The following PGM1 variants were observed in gnomAD, a reference collection of about 807,000 sequenced individuals.
PGM1 encodes phosphoglucomutase-1.
A neutral mutation model predicts 55.6 loss-of-function variants in PGM1; 52 were observed. The observed-to-expected ratio is 0.94, with a 90% confidence interval of 0.75 to 1.18. The LOEUF (loss-of-function observed/expected upper bound fraction) is 1.18. Ranked by LOEUF, PGM1 falls within the 50% of genes most tolerant of loss-of-function variation. The pLI, the probability that PGM1 is intolerant of heterozygous loss-of-function variation, is 0.00. For synonymous variants in PGM1, 287 were observed against 271.7 expected (o/e 1.06, Z -0.55); for missense variants, 724 against 729.3 (o/e 0.99, Z 0.08).
intron 7 of PGM1, among the ~76,000 whole-genome samples, chr1:63,646,980 C>T (rs946433684): frequency 1.3e-5 from 2 of 151,900 alleles, no homozygotes; most frequent in Non-Finnish European, 2.9e-5. Context: ...TGGTGGCTCA[C>T]GCCTGTAATC....
intron 6 of PGM1, among the ~76,000 whole-genome samples, chr1:63,637,533 C>G (rs1437894748): frequency 6.6e-6 from 1 of 152,208 alleles, no homozygotes; most frequent in African/African-American, 2.4e-5. Context: ...CATTCACCAT[C>G]TCAATTGATC....
chr1:63,604,149 T>C (rs1648344014), intron 1 of PGM1, among the ~76,000 whole-genome samples: 1 of 152,324 alleles, frequency 6.6e-6, no homozygotes. Flanking sequence ...TGAAAGAGTA[T>C]ACTTTGAGGT....
chr1:63,646,676 T>C (rs1649653145), intron 7 of PGM1, among the ~76,000 whole-genome samples: 1 of 152,194 alleles, frequency 6.6e-6, no homozygotes, highest in Admixed American at 6.5e-5. Context: ...TTTATTCTCC[T>C]GGCACTGGCT....
At chr1:63,631,874 C>A in intron 4 of PGM1, 92 bp downstream of exon 4, 2 of 1,217,786 alleles carry the variant, frequency 1.6e-6, no homozygotes, top group South Asian at 1.2e-5. Flanking sequence ...AGCCTTTTCT[C>A]AAGTCTCTCT....
At position 63,593,632 on chromosome 1, in the gene PGM1, G is replaced by A; in HGVS notation, c.144G>A (p.Glu48=). The A allele has an allele frequency of 6.2e-7, 1 of 1,612,196 alleles. No homozygotes were observed. The change falls in exon 1 of 11, where the codon GAG becomes GAA. Residue 48 remains glutamate (E), a synonymous_variant. Transcript: ENST00000371084. The part of the protein sequence containing the change: ...NFIQSIISTV[E]PAQRQEATLV... ...TCCAGAGTATCATCTCCACCGTGGA[G>A]CCGGCGCAGCGGCAGGAGGCCACGC... is the stretch of plus-strand genomic sequence containing the variant.
At chr1:63,641,795 T>C (rs1649525280) in intron 7 of PGM1, among the ~76,000 whole-genome samples, 1 of 152,230 alleles carries the variant, frequency 6.6e-6, no homozygotes, top group Non-Finnish European at 1.5e-5. Flanking sequence ...TGTCTTATCC[T>C]GCATTGTGTC....
intron 1 of PGM1, among the ~76,000 whole-genome samples, chr1:63,621,540 G>A (rs2100975184): frequency 6.6e-6 from 1 of 152,218 alleles, no homozygotes; most frequent in East Asian, 1.9e-4. Flanking sequence ...TAAAACCAGG[G>A]AAAACTTGGC....
At position 63,651,743 on chromosome 1, in the gene PGM1, G is replaced by C; in HGVS notation, c.1355G>C (p.Arg452Pro). 1 of 1,613,780 alleles carries C rather than the reference G, an allele frequency of 6.2e-7. No individual in the cohort carries two copies. The stretch of plus-strand genomic sequence containing the variant: ...GACTTGGAGGCCCTGATGTTTGATC[G>C]CTCCTTTGTGGGGAAGCAGTTCTCA... The part of the protein sequence containing the change: ...MKDLEALMFD[R>P]SFVGKQFSAN... The change falls in exon 9 of 11, where the codon CGC (arginine) becomes CCC (proline). Residue 452 changes from arginine to proline, a missense_variant. Arg to Pro is a moderately radical substitution (Grantham distance 103). Coordinates refer to ENST00000371084, the MANE Select transcript of PGM1 (RefSeq NM_002633.3).
At chr1:63,649,125 G>C (rs74079708) in intron 8 of PGM1, among the ~76,000 whole-genome samples, 3,288 of 152,248 alleles carry the variant, frequency 0.022, 129 homozygotes, top group African/African-American at 0.075. Context: ...TGAAAGCCTA[G>C]AAACTTTTTT....
At chr1:63,631,550 C>A in intron 3 of PGM1, 107 bp from the exon 4 acceptor site, 1 of 1,013,224 alleles carries the variant, frequency 9.9e-7, no homozygotes, top group Non-Finnish European at 1.6e-6. Context: ...CAATAATTGT[C>A]CTTTTAAAAT....
intron 1 of PGM1, among the ~76,000 whole-genome samples, chr1:63,622,413 A>G (rs577098362): frequency 2.0e-5 from 3 of 152,326 alleles, no homozygotes; most frequent in Admixed American, 6.5e-5. Context: ...TAGGTAAAAT[A>G]TTTTTAAACA....
chr1:63,612,953 G>A lies in PGM1; in HGVS notation c.247-16472G>A, dbSNP rs186020593. Among the ~76,000 whole-genome samples the A allele has an allele frequency of 3.9e-5, 6 of 152,222 alleles. No individual in the cohort carries two copies. In the East Asian group the frequency reaches 7.7e-4, roughly 20 times the overall value. ...CTCAGAAACACTAATTACAGGGGTC[G>A]TTTGATGCTCTCACTTAAATATTTT... On this transcript the variant is annotated intron_variant, in intron 1 of 10. Coordinates refer to ENST00000371084, the MANE Select transcript of PGM1 (RefSeq NM_002633.3).
intron 10 of PGM1, 21 bp from the exon 11 acceptor site, chr1:63,659,565 T>A (rs780658487): frequency 1.9e-6 from 3 of 1,595,402 alleles, no homozygotes; most frequent in Non-Finnish European, 2.6e-6. Flanking sequence ...ATGGAAAAGC[T>A]TCTCTCTATG....
chr1:63,597,776 G>A (rs1269307359), intron 1 of PGM1, among the ~76,000 whole-genome samples: 2 of 152,190 alleles, frequency 1.3e-5, no homozygotes, highest in Non-Finnish European at 2.9e-5. Context: ...GAGAGTTTAA[G>A]CTCACAAATG....
chr1:63,648,716 C>T (rs1234114647), intron 8 of PGM1, 64 bp downstream of exon 8: 1 of 1,535,694 alleles, frequency 6.5e-7, no homozygotes, highest in East Asian at 2.2e-5. Flanking sequence ...AATTCTTGCG[C>T]ATCCACAGCC....
At position 63,593,731 on chromosome 1, in the gene PGM1, C is replaced by A; in HGVS notation, c.243C>A (p.Asn81Lys). Residue 81 changes from asparagine (N) to lysine (K), a missense_variant, in exon 1 of 11, where the codon AAC (asparagine) becomes AAA (lysine). By Grantham distance (94) the Asn-to-Lys change is moderately conservative. Transcript: ENST00000371084. ...IQLIARIAAA[N>K]GIGRLVIGQN... ...TCATCGCTCGCATCGCTGCCGCCAA[C>A]GGGGTAAGGGATGCGCGGCCCCGCG... 1 of 1,594,490 alleles carries A rather than the reference C, an allele frequency of 6.3e-7. No individual in the cohort carries two copies. The highest frequency in any genetic ancestry group is 8.5e-7 in the Non-Finnish European group (1 of 1,174,472).
chr1:63,653,409 T>C (rs527384708), intron 9 of PGM1, among the ~76,000 whole-genome samples: 24 of 152,330 alleles, frequency 1.6e-4, no homozygotes, highest in African/African-American at 5.1e-4. Flanking sequence ...CCTCTGTGTA[T>C]TTCATCTACT....
At chr1:63,603,099 G>A (rs1161702094) in intron 1 of PGM1, among the ~76,000 whole-genome samples, 4 of 152,158 alleles carry the variant, frequency 2.6e-5, no homozygotes, top group Non-Finnish European at 5.9e-5. Flanking sequence ...CCCCAACTCC[G>A]TATTTTTGTT....
chr1:63,607,031 T>C (rs573388813), intron 1 of PGM1, among the ~76,000 whole-genome samples: 6 of 152,364 alleles, frequency 3.9e-5, no homozygotes, highest in African/African-American at 1.4e-4. Context: ...TTTTTTAGTC[T>C]ATTCACAGAA....
Sources: allele counts gnomAD v4.1 joint callset (sites outside exome capture counted in the v4.1 genomes callset), GRCh38; gene constraint gnomAD v4.1.1; transcripts MANE v1.5; gene names NCBI Gene and HGNC (gene_info 2026-07-23, HGNC 2026-07-21).